The following RIMKLB variants were observed in gnomAD, a reference collection of about 807,000 sequenced individuals.
RIMKLB encodes ribosomal modification protein rimK like family member B.
RIMKLB carries 7 observed loss-of-function variants against 32.0 expected under a neutral mutation model. The ratio of observed to expected loss-of-function variants is 0.22; its 90% CI spans 0.12 to 0.41. RIMKLB has a LOEUF of 0.41. Among genes scored for constraint, RIMKLB ranks in the 10% least tolerant of loss-of-function variants. The probability of loss-of-function intolerance (pLI) is 1.00; values close to 1 mark genes in which losing one functional copy is unlikely to be tolerated. For missense variants in RIMKLB, 289 were observed against 498.7 expected, an observed-to-expected ratio of 0.58 and a Z score of 4.00; for synonymous variants, 172 against 185.1, an observed-to-expected ratio of 0.93 and a Z score of 0.57.
At chr12:8,721,743 T>G (rs1438269715) in intron 2 of RIMKLB, among the ~76,000 whole-genome samples, 1 of 152,086 alleles carries the variant, frequency 6.6e-6, no homozygotes, top group African/African-American at 2.4e-5. Context: ...TGAGTGTTTT[T>G]TGTTTTTTGT....
chr12:8,737,136 T>C (rs1016146932), intron 2 of RIMKLB, among the ~76,000 whole-genome samples: 1 of 152,206 alleles, frequency 6.6e-6, no homozygotes. Context: ...TTAACTAATA[T>C]ATAGTTCATA....
chr12:8,701,622 T>C (rs1204414613), intron 1 of RIMKLB, among the ~76,000 whole-genome samples: 3 of 151,748 alleles, frequency 2.0e-5, no homozygotes, highest in South Asian at 4.1e-4. Flanking sequence ...ATGACCGTTA[T>C]GGGAAGTAAG....
intron 2 of RIMKLB, among the ~76,000 whole-genome samples, chr12:8,725,577 G>T (rs1469277336): frequency 6.6e-6 from 1 of 152,188 alleles, no homozygotes; most frequent in Non-Finnish European, 1.5e-5. Flanking sequence ...CTTTGCATAT[G>T]TTCTCAGCCT....
intron 2 of RIMKLB, among the ~76,000 whole-genome samples, chr12:8,717,088 T>C (rs1473578745): frequency 2.0e-5 from 3 of 151,570 alleles, no homozygotes; most frequent in Non-Finnish European, 2.9e-5. Context: ...TTTTACATTT[T>C]TTATGTATTA....
intron 5 of RIMKLB, among the ~76,000 whole-genome samples, chr12:8,762,480 C>T (rs1949613397): frequency 6.6e-6 from 1 of 152,034 alleles, no homozygotes; most frequent in African/African-American, 2.4e-5. Context: ...CTTCTACTTC[C>T]CTTTCCTTTT....
At chr12:8,685,737 C>T (rs935309718) in intron 1 of RIMKLB, among the ~76,000 whole-genome samples, 1 of 151,730 alleles carries the variant, frequency 6.6e-6, no homozygotes, top group African/African-American at 2.4e-5. Context: ...CTCCGCCTTC[C>T]GGTTCAAGTG....
chr12:8,728,394 A>G (rs1024500736), intron 2 of RIMKLB, among the ~76,000 whole-genome samples: 1 of 152,250 alleles, frequency 6.6e-6, no homozygotes, highest in Middle Eastern at 3.4e-3. Flanking sequence ...AAAGCATCCT[A>G]TGATTAGGTC....
chr12:8,731,432 A>G (rs1224222620), intron 2 of RIMKLB, among the ~76,000 whole-genome samples: 2 of 150,234 alleles, frequency 1.3e-5, no homozygotes, highest in Non-Finnish European at 3.0e-5. Context: ...CAGTAAGATT[A>G]TTTTAGCCAG....
intron 1 of RIMKLB, among the ~76,000 whole-genome samples, chr12:8,708,773 T>C (rs1944116634): frequency 6.6e-6 from 1 of 152,228 alleles, no homozygotes; most frequent in South Asian, 2.1e-4. Flanking sequence ...TGAAGCACTT[T>C]AAGATTCCCA....
In RIMKLB at chr12:8,752,746, TG is replaced by T. The variant is rs56945115; in HGVS notation, c.493+704del. Among the ~76,000 whole-genome samples, 164 of 149,504 alleles carry T rather than the reference TG, an allele frequency of 1.1e-3. 1 individual carries two copies. Among genetic ancestry groups the T allele is most frequent in the Non-Finnish European group, 1.7e-3 (118 of 67,978 alleles). On this transcript the variant is annotated intron_variant, in intron 4 of 5. Coordinates refer to ENST00000535829, the MANE Select transcript of RIMKLB (RefSeq NM_001297776.2). Reference sequence around the variant, plus strand: ...GTTGTTGTTGTTATTGTTTGTTTTTTGTTTTTTTTTTGAGATGGAGTTTTGC... The same window carrying T: ...GTTGTTGTTGTTATTGTTTGTTTTTTTTTTTTTTTTGAGATGGAGTTTTGC...
intron 1 of RIMKLB, among the ~76,000 whole-genome samples, chr12:8,701,897 C>G (rs996199350): frequency 6.6e-6 from 1 of 150,814 alleles, no homozygotes; most frequent in Non-Finnish European, 1.5e-5. Flanking sequence ...CTCAGCTACT[C>G]GGGGGGGCTG....
rs186783124 is a variant in RIMKLB, at chr12:8,747,555, A to G, written c.176-2307A>G. ...TCCCACTAGAAAGCTTCTTGAGAGC[A>G]AGGACCTTATTTTATTTATTAATCT... On this transcript the variant is annotated intron_variant, in intron 2 of 5. Coordinates refer to ENST00000535829, the MANE Select transcript of RIMKLB (RefSeq NM_001297776.2). 3.3e-5 allele frequency among the ~76,000 whole-genome samples: 5 copies of G among 152,282 alleles called. No individual in the cohort carries two copies. In the East Asian group the frequency reaches 9.7e-4, roughly 29 times the overall value.
chr12:8,701,593 T>G (rs1565551090), intron 1 of RIMKLB, among the ~76,000 whole-genome samples: 1 of 151,924 alleles, frequency 6.6e-6, no homozygotes, highest in Admixed American at 6.6e-5. Flanking sequence ...ACAAAGCTAA[T>G]CATTTCTGGA....
chr12:8,717,913 T>C (rs995929544), intron 2 of RIMKLB, among the ~76,000 whole-genome samples: 3 of 152,220 alleles, frequency 2.0e-5, no homozygotes, highest in Non-Finnish European at 2.9e-5. Flanking sequence ...CACCCCAATA[T>C]ACGCCTATTT....
intron 5 of RIMKLB, among the ~76,000 whole-genome samples, chr12:8,767,634 G>A (rs761474058): frequency 5.0e-4 from 76 of 152,268 alleles, no homozygotes; most frequent in African/African-American, 1.4e-3. Flanking sequence ...TTCTGTCTGC[G>A]CCATGATCTC....
At chr12:8,674,020 G>A in the RIMKLB span, among the ~76,000 whole-genome samples, 10 of 151,968 alleles carry the variant, frequency 6.6e-5, no homozygotes, top group South Asian at 4.1e-4. Flanking sequence ...CCACAGGGTC[G>A]GTTCCAATTT....
At chr12:8,674,888 GAGTCTGGCTCTGTCTCCCAGGCT>G in the RIMKLB span, among the ~76,000 whole-genome samples, 1 of 147,826 alleles carries the variant, frequency 6.8e-6, no homozygotes, top group African/African-American at 2.5e-5. Flanking sequence ...TTTTGAGAGG[GAGTCTGGCTCTGTCTCCCAGGCT>G]GGAGTGCAAT....
At chr12:8,748,557 T>C (rs200422912) in intron 2 of RIMKLB, among the ~76,000 whole-genome samples, 47 of 102,118 alleles carry the variant, frequency 4.6e-4, no homozygotes, top group Non-Finnish European at 6.4e-4. Flanking sequence ...TGTGTGTGTG[T>C]GCATATATAT....
chr12:8,722,026 G>A (rs1405767632), intron 2 of RIMKLB, among the ~76,000 whole-genome samples: 1 of 152,154 alleles, frequency 6.6e-6, no homozygotes, highest in East Asian at 1.9e-4. Context: ...TTACAGGTGT[G>A]AGCCACCGCG....
Sources: gnomAD v4.1 joint callset for allele counts (sites outside exome capture counted in the v4.1 genomes callset) on GRCh38, gnomAD v4.1.1 for gene constraint, MANE v1.5 for transcripts, NCBI Gene and HGNC (gene_info 2026-07-23, HGNC 2026-07-21) for gene names.